ARSB: variants seen among roughly 807,000 people sequenced by gnomAD.
ARSB encodes N-acetylgalactosamine-4-sulfatase.
A neutral mutation model predicts 50.9 loss-of-function variants in ARSB; 41 were observed. That is an observed-to-expected ratio of 0.81 (90% CI 0.63 to 1.04). The LOEUF (loss-of-function observed/expected upper bound fraction) is 1.04, where lower values mean the gene tolerates loss of function less well. Among genes scored for constraint, ARSB ranks in the 50% least tolerant of loss-of-function variants. The pLI is 0.00. For synonymous variants in ARSB, 269 were observed against 284.8 expected, an observed-to-expected ratio of 0.94 and a Z score of 0.56; for missense variants, 672 against 693.3, an observed-to-expected ratio of 0.97 and a Z score of 0.35.
chr5:78,978,542 A>C (rs921721541), intron 1 of ARSB, among the ~76,000 whole-genome samples: 2 of 152,190 alleles, frequency 1.3e-5, no homozygotes, highest in Non-Finnish European at 2.9e-5. Context: ...GGGGCCGAGA[A>C]TAGCCAAACT....
At chr5:78,839,262 A>G in intron 6 of ARSB, 94 bp downstream of exon 6, 1 of 1,263,836 alleles carries the variant, frequency 7.9e-7, no homozygotes. Flanking sequence ...CAACTCAGGA[A>G]AAAAGAGAAA....
chr5:78,945,876 A>G (rs1429111139), intron 4 of ARSB, among the ~76,000 whole-genome samples: 1 of 151,888 alleles, frequency 6.6e-6, no homozygotes, highest in Non-Finnish European at 1.5e-5. Flanking sequence ...CAACCTTTCC[A>G]TCTCAGAAAG....
At position 78,885,567 on chromosome 5, in the gene ARSB, G is replaced by T; in HGVS notation, c.1142+17C>A. 1 of 1,611,916 alleles carries T rather than the reference G, an allele frequency of 6.2e-7. No individual in the cohort carries two copies. Among genetic ancestry groups the T allele is most frequent in the Non-Finnish European group, 8.5e-7 (1 of 1,179,680 alleles). On this transcript the variant is annotated intron_variant, in intron 5 of 7. Coordinates refer to ENST00000264914, the MANE Select transcript of ARSB (RefSeq NM_000046.5). ...GGAGTTTCTGTCCTGGGAGGAAAAA[G>T]GGCAGGGTGTAGGTACCTGATGGTT...
intron 6 of ARSB, among the ~76,000 whole-genome samples, chr5:78,786,886 C>A (rs1296953420): frequency 6.6e-6 from 1 of 151,668 alleles, no homozygotes; most frequent in Non-Finnish European, 1.5e-5. Context: ...GGATTACAGG[C>A]ATGAGCCACC....
intron 3 of ARSB, among the ~76,000 whole-genome samples, chr5:78,959,881 G>A (rs1751906079): frequency 6.6e-6 from 1 of 152,146 alleles, no homozygotes. Context: ...CAATCACAGT[G>A]AGGACCCCAC....
chr5:78,942,805 G>C (rs942760921), intron 4 of ARSB, among the ~76,000 whole-genome samples: 1 of 152,128 alleles, frequency 6.6e-6, no homozygotes, highest in Non-Finnish European at 1.5e-5. Context: ...TCCGCTTGGT[G>C]CAGAGCTGAG....
intron 5 of ARSB, among the ~76,000 whole-genome samples, chr5:78,859,602 C>G (rs1465519305): frequency 6.6e-6 from 1 of 152,064 alleles, no homozygotes; most frequent in Non-Finnish European, 1.5e-5. Context: ...AAGAGACGAA[C>G]AACACATTCT....
chr5:78,877,484 G>A (rs1747540218), intron 5 of ARSB, among the ~76,000 whole-genome samples: 1 of 152,100 alleles, frequency 6.6e-6, no homozygotes, highest in Non-Finnish European at 1.5e-5. Flanking sequence ...TGCCTCCCGG[G>A]TTCAAGCGAT....
At chr5:78,824,526 G>A (rs1426242792) in intron 6 of ARSB, among the ~76,000 whole-genome samples, 5 of 152,242 alleles carry the variant, frequency 3.3e-5, no homozygotes, top group Admixed American at 6.5e-5. Flanking sequence ...CAGGTGATTC[G>A]TGTGCACATT....
chr5:78,791,186 A>AT (rs1055016030), intron 6 of ARSB, among the ~76,000 whole-genome samples: 42 of 152,264 alleles, frequency 2.8e-4, no homozygotes, highest in African/African-American at 9.9e-4. Context: ...TGAGAAAAAC[A>AT]CCCCAGCTGT....
intron 6 of ARSB, among the ~76,000 whole-genome samples, chr5:78,792,131 C>T (rs1458238952): frequency 6.6e-6 from 1 of 152,138 alleles, no homozygotes. Context: ...GTAATCCCAG[C>T]ACTTTGGGAG....
intron 4 of ARSB, among the ~76,000 whole-genome samples, chr5:78,930,176 G>A (rs1313067525): frequency 1.3e-5 from 2 of 152,140 alleles, no homozygotes; most frequent in Non-Finnish European, 2.9e-5. Context: ...AGTTTAAAAT[G>A]GCAACCTACG....
intron 5 of ARSB, chr5:78,882,810 G>A (rs1371044547): frequency 2.6e-5 from 3 of 117,102 alleles, no homozygotes; most frequent in Admixed American, 1.1e-4. Context: ...TTGAGACGGA[G>A]TCTTACTCTG....
intron 2 of ARSB, among the ~76,000 whole-genome samples, chr5:78,964,955 G>T (rs1752144663): frequency 6.6e-6 from 1 of 152,102 alleles, no homozygotes; most frequent in Non-Finnish European, 1.5e-5. Flanking sequence ...AATGTGACTT[G>T]TTACAGGTTT....
At chr5:78,936,115 T>TCC (rs1354811239) in intron 4 of ARSB, among the ~76,000 whole-genome samples, 20 of 104,164 alleles carry the variant, frequency 1.9e-4, no homozygotes, top group African/African-American at 7.2e-4. Flanking sequence ...CTCCATCCCT[T>TCC]CCTCTCTCTC....
At chr5:78,888,380 G>A (rs377718770) in intron 4 of ARSB, among the ~76,000 whole-genome samples, 3 of 152,318 alleles carry the variant, frequency 2.0e-5, no homozygotes, top group African/African-American at 7.2e-5. Context: ...TCGAAACTTA[G>A]AAGAAGGTGC....
At chr5:78,931,941 T>C (rs1158976283) in intron 4 of ARSB, among the ~76,000 whole-genome samples, 1 of 152,090 alleles carries the variant, frequency 6.6e-6, no homozygotes, top group Non-Finnish European at 1.5e-5. Flanking sequence ...TGCCACCATG[T>C]AAGATGTGCT....
At chr5:78,922,728 G>A (rs971094658) in intron 4 of ARSB, among the ~76,000 whole-genome samples, 1 of 151,790 alleles carries the variant, frequency 6.6e-6, no homozygotes, top group African/African-American at 2.4e-5. Context: ...CAGCCACAGT[G>A]AGGTAAAGTA....
intron 6 of ARSB, among the ~76,000 whole-genome samples, chr5:78,833,761 T>C (rs982954744): frequency 6.6e-6 from 1 of 152,172 alleles, no homozygotes; most frequent in Admixed American, 6.5e-5. Context: ...TATTTGTCTA[T>C]TGAGGAGGTC....
Sources: gnomAD v4.1 joint callset for allele counts (sites outside exome capture counted in the v4.1 genomes callset) on GRCh38, gnomAD v4.1.1 for gene constraint, MANE v1.5 for transcripts, NCBI Gene and HGNC (gene_info 2026-07-23, HGNC 2026-07-21) for gene names.